Variants in TESK2 observed in about 807,000 individuals in gnomAD.
The protein encoded by TESK2 is testis associated actin remodelling kinase 2, also known as dual specificity testis-specific protein kinase 2.
Under a neutral mutation model 57.1 loss-of-function variants are expected in TESK2, and 39 were observed. The observed-to-expected ratio is 0.68, with a 90% CI of 0.53 to 0.89. The LOEUF is 0.89. Ranked by LOEUF, TESK2 falls within the 40% of genes least tolerant of loss-of-function variation. The pLI is 0.00. For missense variants in TESK2, 646 were observed against 732.1 expected (o/e 0.88, Z 1.36); for synonymous variants, 249 against 267.9 (o/e 0.93, Z 0.69).
intron 1 of TESK2, among the ~76,000 whole-genome samples, chr1:45,473,427 C>T (rs1652853997): frequency 6.6e-6 from 1 of 152,128 alleles, no homozygotes; most frequent in East Asian, 1.9e-4. Context: ...ATTACTTTTG[C>T]ACCAACCTAA....
intron 3 of TESK2, among the ~76,000 whole-genome samples, chr1:45,393,869 A>C (rs564516668): frequency 6.6e-6 from 1 of 152,346 alleles, no homozygotes; most frequent in African/African-American, 2.4e-5. Context: ...AGCACGTAAC[A>C]TCAACAATAA....
At chr1:45,378,402 T>C (rs982156127) in intron 4 of TESK2, among the ~76,000 whole-genome samples, 1 of 152,172 alleles carries the variant, frequency 6.6e-6, no homozygotes, top group Non-Finnish European at 1.5e-5. Context: ...CATAAAAGGC[T>C]TGCAGCTTCC....
intron 2 of TESK2, among the ~76,000 whole-genome samples, chr1:45,444,453 T>C (rs894282489): frequency 6.6e-6 from 1 of 152,214 alleles, no homozygotes; most frequent in African/African-American, 2.4e-5. Context: ...GTAATAGGCA[T>C]TCATAGTGGG....
intron 3 of TESK2, among the ~76,000 whole-genome samples, chr1:45,402,599 C>G (rs1649673904): frequency 6.6e-6 from 1 of 151,756 alleles, no homozygotes; most frequent in Admixed American, 6.6e-5. Context: ...TCTCCTGCCT[C>G]AGCCTCCCAA....
At chr1:45,349,308 TG>T (rs1342983742) in intron 5 of TESK2, among the ~76,000 whole-genome samples, 1 of 152,190 alleles carries the variant, frequency 6.6e-6, no homozygotes, top group Non-Finnish European at 1.5e-5. Flanking sequence ...CAGGTAGACA[TG>T]CCTCATCTCT....
At chr1:45,448,666 G>A (rs1318999153) in intron 2 of TESK2, among the ~76,000 whole-genome samples, 1 of 152,106 alleles carries the variant, frequency 6.6e-6, no homozygotes, top group Non-Finnish European at 1.5e-5. Context: ...CGACGGGATG[G>A]TACTAAACCA....
chr1:45,389,772 T>C lies in TESK2; in HGVS notation c.345-3812A>G, dbSNP rs367911361. On this transcript the variant is annotated intron_variant, in intron 3 of 10. Transcript: ENST00000372086. ...AAATGGACAGAAAAATAACACCACC[T>C]TAAAAGGTTGTTATGAGAATTAAAT... Among the ~76,000 whole-genome samples, 3 of 152,290 alleles carry C rather than the reference T, an allele frequency of 2.0e-5. No homozygotes were observed. In the East Asian group the frequency reaches 5.8e-4, roughly 29 times the overall value.
intron 4 of TESK2, among the ~76,000 whole-genome samples, chr1:45,378,047 A>G (rs898338147): frequency 6.6e-6 from 1 of 151,976 alleles, no homozygotes; most frequent in Non-Finnish European, 1.5e-5. Context: ...AAATGAAATG[A>G]TAAGGTTGGA....
intron 1 of TESK2, among the ~76,000 whole-genome samples, chr1:45,462,231 T>G (rs1234868022): frequency 2.6e-5 from 4 of 152,102 alleles, no homozygotes; most frequent in Admixed American, 1.3e-4. Context: ...CTTAACATGA[T>G]GTCCTCAAGT....
chr1:45,444,348 TC>T (rs748892746), intron 2 of TESK2, among the ~76,000 whole-genome samples: 5 of 152,132 alleles, frequency 3.3e-5, no homozygotes, highest in Non-Finnish European at 4.4e-5. Flanking sequence ...ACAGACCTAT[TC>T]CCCCCTTTCC....
chr1:45,456,441 C>A lies in TESK2; in HGVS notation c.222+1123G>T, dbSNP rs568637229. ...GGCTGAGGCAGGAGAATTGCTTGAACCCGGGAAGCAGAGGTTGCAGTGAGC... is the reference window on the plus strand; with the variant it reads ...GGCTGAGGCAGGAGAATTGCTTGAAACCGGGAAGCAGAGGTTGCAGTGAGC... On this transcript the variant is annotated intron_variant, in intron 2 of 10. Transcript: ENST00000372086. Among the ~76,000 whole-genome samples the A allele has an allele frequency of 2.1e-4, 32 of 151,938 alleles. No homozygotes were observed. In the East Asian group the frequency reaches 5.6e-3, roughly 27 times the overall value.
At chr1:45,459,945 G>A (rs1187362817) in intron 1 of TESK2, among the ~76,000 whole-genome samples, 3 of 152,226 alleles carry the variant, frequency 2.0e-5, no homozygotes, top group Non-Finnish European at 4.4e-5. Context: ...ATTATTCTAA[G>A]TGAACTAACA....
At chr1:45,422,204 C>G (rs1273803880) in intron 2 of TESK2, among the ~76,000 whole-genome samples, 8 of 152,052 alleles carry the variant, frequency 5.3e-5, no homozygotes, top group African/African-American at 1.9e-4. Context: ...AACAGAAAAC[C>G]AACACTGCAT....
intron 4 of TESK2, among the ~76,000 whole-genome samples, chr1:45,367,238 G>T (rs546398489): frequency 6.6e-6 from 1 of 152,250 alleles, no homozygotes; most frequent in Non-Finnish European, 1.5e-5. Flanking sequence ...CTACATTGAG[G>T]AGACCATGTT....
At chr1:45,351,790 T>C (rs1647236456) in intron 5 of TESK2, among the ~76,000 whole-genome samples, 1 of 152,204 alleles carries the variant, frequency 6.6e-6, no homozygotes, top group South Asian at 2.1e-4. Context: ...TTTGGCCTCT[T>C]TGCTATCAAG....
At chr1:45,404,952 C>T (rs187282449) in intron 3 of TESK2, among the ~76,000 whole-genome samples, 1 of 152,180 alleles carries the variant, frequency 6.6e-6, no homozygotes, top group Non-Finnish European at 1.5e-5. Context: ...AAACTTTAAG[C>T]TATACAGCCT....
At chr1:45,358,462 A>G (rs901672280) in intron 4 of TESK2, among the ~76,000 whole-genome samples, 3 of 152,202 alleles carry the variant, frequency 2.0e-5, no homozygotes, top group Non-Finnish European at 4.4e-5. Flanking sequence ...TAGGCAACAG[A>G]GAGAGACCCA....
chr1:45,415,349 T>C, intron 3 of TESK2: 1 of 1,045,234 alleles, frequency 9.6e-7, no homozygotes, highest in East Asian at 2.4e-5. Flanking sequence ...CTCTAATAAA[T>C]TTGACTTGTG....
Position 45,461,348 on chromosome 1 carries a change from G to A in TESK2, c.-86-3477C>T, listed in dbSNP as rs146399947. On this transcript the variant is annotated intron_variant, in intron 1 of 10. Transcript: ENST00000372086. ...AACCTGGGTGACAGAGCAAGACTCC[G>A]TCTCAAAACAACAACAACAAAAAAA... is the stretch of plus-strand genomic sequence containing the variant. 1.1e-3 allele frequency among the ~76,000 whole-genome samples: 169 copies of A among 152,088 alleles called. 3 individuals carry two copies. The highest frequency in any genetic ancestry group is 3.8e-3 in the African/African-American group (159 of 41,480).
Sources: allele counts gnomAD v4.1 joint callset (sites outside exome capture counted in the v4.1 genomes callset), GRCh38; gene constraint gnomAD v4.1.1; transcripts MANE v1.5; gene names NCBI Gene and HGNC (gene_info 2026-07-23, HGNC 2026-07-21).